Variants in KIF17 observed in about 807,000 individuals in gnomAD.
KIF17 encodes kinesin family member 17, also known as kinesin-like protein KIF17.
Under a neutral mutation model 96.8 loss-of-function variants are expected in KIF17, and 80 were observed. The ratio of observed to expected loss-of-function variants is 0.83; its 90% CI spans 0.69 to 1.00. The LOEUF is 1.00. Among genes scored for constraint, KIF17 ranks in the 50% least tolerant of loss-of-function variants. KIF17 has a pLI of 0.00. For synonymous variants in KIF17, 567 were observed against 587.5 expected (o/e 0.97, Z 0.51); for missense variants, 1,280 against 1,372.9 (o/e 0.93, Z 1.07).
intron 5 of KIF17, among the ~76,000 whole-genome samples, chr1:20,703,512 A>G (rs1445366493): frequency 6.7e-6 from 1 of 149,268 alleles, no homozygotes; most frequent in Non-Finnish European, 1.5e-5. Context: ...GGATGGATGG[A>G]TGGATGGATG....
chr1:20,701,770 C>T (rs1023611844), intron 5 of KIF17, among the ~76,000 whole-genome samples: 7 of 152,254 alleles, frequency 4.6e-5, no homozygotes, highest in Non-Finnish European at 8.8e-5. Flanking sequence ...GGACAGTCAC[C>T]GGGCTCCACG....
chr1:20,679,576 G>A (rs1419858773), intron 11 of KIF17, among the ~76,000 whole-genome samples: 1 of 152,200 alleles, frequency 6.6e-6, no homozygotes, highest in Non-Finnish European at 1.5e-5. Flanking sequence ...GATGAGGCAG[G>A]AGTGGAGTCA....
chr1:20,664,347 T>C lies in KIF17; in HGVS notation c.*237A>G. The C allele has an allele frequency of 7.0e-7, 1 of 1,422,420 alleles. No individual in the cohort carries two copies. The highest frequency in any genetic ancestry group is 9.2e-7 in the Non-Finnish European group (1 of 1,090,726). 88.1% of individuals were successfully genotyped at this position (1,422,420 alleles called of 1,614,324 possible). A position where few individuals can be genotyped will look rare whatever the true frequency, so the allele number is the denominator to read the frequency against. ...AGCAGACGGAAACACTGATGTGGTATGAACAGCTGGAGCAGGCCTCTCTAA... is the reference window on the plus strand; with the variant it reads ...AGCAGACGGAAACACTGATGTGGTACGAACAGCTGGAGCAGGCCTCTCTAA... On this transcript the variant is annotated 3_prime_UTR_variant, in exon 15 of 15. Transcript: ENST00000400463.
chr1:20,690,418 T>G (rs529185697), intron 6 of KIF17, 83 bp from the exon 7 acceptor site: 1 of 1,334,738 alleles, frequency 7.5e-7, no homozygotes, highest in African/African-American at 1.5e-5. Context: ...TTTTTGGTTA[T>G]TCAAACAATA....
chr1:20,700,083 T>G lies in KIF17; in HGVS notation c.1124-1595A>C, dbSNP rs2054207187. Among the ~76,000 whole-genome samples, 1 of 152,056 alleles carries G rather than the reference T, an allele frequency of 6.6e-6. No individual in the cohort carries two copies. On this transcript the variant is annotated intron_variant, in intron 5 of 14. Transcript: ENST00000400463. This position sits in a 1 kb window ranked among gnomAD's most constrained non-coding sequence, Gnocchi z 4.6. Reference sequence around the variant, plus strand: ...CCAGTTTTTGTTTTGTTTTGTTTTGTTTTTTGAGACGGGGTCTTTGCTCTG... The same window carrying G: ...CCAGTTTTTGTTTTGTTTTGTTTTGGTTTTTGAGACGGGGTCTTTGCTCTG...
In KIF17 at chr1:20,700,709, G is replaced by A. The variant is rs749310141; in HGVS notation, c.1124-2221C>T. The stretch of plus-strand genomic sequence containing the variant: ...GCAGGGTTAGACTGCCCTTCAGGGC[G>A]AGCGAATTCCTAGAAACCGTAAACC... On this transcript the variant is annotated intron_variant, in intron 5 of 14. Transcript: ENST00000400463. The surrounding 1 kb of genome is among the most constrained non-coding windows in gnomAD (Gnocchi z 4.6). Among the ~76,000 whole-genome samples the A allele has an allele frequency of 2.6e-5, 4 of 152,262 alleles. No individual in the cohort carries two copies. Among genetic ancestry groups the A allele is most frequent in the East Asian group, 1.9e-4 (1 of 5,180 alleles).
intron 12 of KIF17, among the ~76,000 whole-genome samples, chr1:20,670,817 A>C (rs16824412): frequency 0.024 from 3,593 of 152,200 alleles, 140 homozygotes; most frequent in African/African-American, 0.081. Context: ...GTGTCAATAA[A>C]CATCAGAGAT....
At chr1:20,703,192 T>C (rs973134409) in intron 5 of KIF17, among the ~76,000 whole-genome samples, 45 of 150,490 alleles carry the variant, frequency 3.0e-4, no homozygotes, top group Non-Finnish European at 2.2e-4. Flanking sequence ...GATGGACGGA[T>C]GGATGGGAGA....
intron 7 of KIF17, among the ~76,000 whole-genome samples, chr1:20,689,431 G>A (rs755526703): frequency 6.6e-6 from 1 of 152,136 alleles, no homozygotes; most frequent in African/African-American, 2.4e-5. Flanking sequence ...CAGGTGGATC[G>A]CTTGAGCCCA....
chr1:20,663,948 A>AAGAAC, downstream of KIF17: 1 of 159,394 alleles, frequency 6.3e-6, no homozygotes, highest in East Asian at 1.8e-4. Context: ...CTTCCCTGGA[A>AAGAAC]TAGCCAGGCC....
chr1:20,713,042 C>A (rs1167438724), intron 3 of KIF17, among the ~76,000 whole-genome samples: 1 of 147,146 alleles, frequency 6.8e-6, no homozygotes, highest in African/African-American at 2.5e-5. Flanking sequence ...GTTGCCCAGG[C>A]TGGAGTGCAG....
chr1:20,668,386 G>A (rs1348387247), intron 13 of KIF17, among the ~76,000 whole-genome samples: 1 of 152,020 alleles, frequency 6.6e-6, no homozygotes, highest in Non-Finnish European at 1.5e-5. Context: ...CCTGAAACTG[G>A]TCCACTTACA....
intron 11 of KIF17, among the ~76,000 whole-genome samples, chr1:20,679,268 T>C (rs1173561404): frequency 6.6e-6 from 1 of 151,808 alleles, no homozygotes; most frequent in African/African-American, 2.4e-5. Context: ...CCCAGGAGTT[T>C]GAGACCAGCC....
chr1:20,697,949 TCA>T (rs889877974), intron 6 of KIF17, among the ~76,000 whole-genome samples: 1 of 152,194 alleles, frequency 6.6e-6, no homozygotes, highest in Non-Finnish European at 1.5e-5. Context: ...TGCCTGGCTC[TCA>T]GACTTGTCGT....
chr1:20,682,106 CCA>C (rs549827436), intron 11 of KIF17, among the ~76,000 whole-genome samples: 6 of 151,336 alleles, frequency 4.0e-5, no homozygotes, highest in African/African-American at 1.2e-4. Context: ...ACACGCACAC[CCA>C]CACACACACA....
intron 11 of KIF17, among the ~76,000 whole-genome samples, chr1:20,679,773 G>A (rs1483963279): frequency 6.6e-6 from 1 of 152,152 alleles, no homozygotes; most frequent in Non-Finnish European, 1.5e-5. Flanking sequence ...CCTGAAATGA[G>A]TGTGGACAAG....
chr1:20,682,845 C>A lies in KIF17; in HGVS notation c.2271G>T (p.Gln757His). Residue 757 changes from glutamine to histidine, a missense_variant, in exon 11 of 15, where the codon CAG (glutamine) becomes CAT (histidine). Physicochemically the swap from Gln to His is conservative, Grantham distance 24. Transcript: ENST00000400463. ...TCTCCTTCAGGTCCTTGTTCTTGGC[C>A]TGCTCTCCACCCACAACCTGCTGCT... ...LLEQQVVGGEQAKNKDLKEKH... is the reference protein window; with the variant it reads ...LLEQQVVGGEHAKNKDLKEKH... The A allele has an allele frequency of 5.6e-6, 9 of 1,612,168 alleles. No homozygotes were observed. The highest frequency in any genetic ancestry group is 7.6e-6 in the Non-Finnish European group (9 of 1,180,010).
chr1:20,674,260 T>G (rs997081299), intron 11 of KIF17, among the ~76,000 whole-genome samples: 7 of 152,026 alleles, frequency 4.6e-5, no homozygotes, highest in Non-Finnish European at 8.8e-5. Flanking sequence ...TCTTGAGACA[T>G]AATTCATATA....
chr1:20,676,008 C>G (rs1428955672), intron 11 of KIF17, among the ~76,000 whole-genome samples: 1 of 151,874 alleles, frequency 6.6e-6, no homozygotes, highest in Non-Finnish European at 1.5e-5. Context: ...CCACTGCACT[C>G]CAGCCTGAGA....
Sources: allele counts gnomAD v4.1 joint callset (sites outside exome capture counted in the v4.1 genomes callset), GRCh38; gene constraint gnomAD v4.1.1; non-coding constraint Gnocchi (gnomAD v3.1); transcripts MANE v1.5; gene names NCBI Gene and HGNC (gene_info 2026-07-23, HGNC 2026-07-21).